NKAIN2: variants seen among roughly 807,000 people sequenced by gnomAD.
The protein encoded by NKAIN2 is sodium/potassium transporting ATPase interacting 2.
NKAIN2 carries 14 observed loss-of-function variants against 32.6 expected under a neutral mutation model. The ratio of observed to expected loss-of-function variants is 0.43; its 90% CI spans 0.28 to 0.67. The LOEUF is 0.67. Among genes scored for constraint, NKAIN2 ranks in the 30% least tolerant of loss-of-function variants. NKAIN2 has a pLI of 0.17. For synonymous variants in NKAIN2, 80 were observed against 87.2 expected (o/e 0.92, Z 0.46); for missense variants, 198 against 258.3 (o/e 0.77, Z 1.60).
intron 1 of NKAIN2, among the ~76,000 whole-genome samples, chr6:123,913,141 G>A (rs1186457256): frequency 6.6e-6 from 1 of 152,148 alleles, no homozygotes; most frequent in Admixed American, 6.6e-5. Flanking sequence ...AACCTCCCAT[G>A]TTCACTGAGG....
chr6:124,655,537 G>GACTA (rs1784510765), intron 3 of NKAIN2, among the ~76,000 whole-genome samples: 1 of 152,192 alleles, frequency 6.6e-6, no homozygotes, highest in East Asian at 1.9e-4. Flanking sequence ...CAGCTATGGT[G>GACTA]ACTAACTGTC....
intron 2 of NKAIN2, among the ~76,000 whole-genome samples, chr6:124,286,685 T>TAC (rs1795566999): frequency 7.5e-6 from 1 of 133,610 alleles, no homozygotes; most frequent in African/African-American, 3.7e-5. Flanking sequence ...CGCGCGCGTG[T>TAC]GTGTGTGTGT....
At chr6:124,647,120 T>G (rs529854722) in intron 3 of NKAIN2, among the ~76,000 whole-genome samples, 2 of 151,488 alleles carry the variant, frequency 1.3e-5, no homozygotes, top group African/African-American at 4.9e-5. Flanking sequence ...TTAGGAAAAC[T>G]GTAAAAAAAA....
intron 1 of NKAIN2, among the ~76,000 whole-genome samples, chr6:123,809,541 T>C (rs1260793770): frequency 6.6e-6 from 1 of 152,192 alleles, no homozygotes; most frequent in Non-Finnish European, 1.5e-5. Context: ...CTTGGTTTTC[T>C]CCTCTTTTAG....
At chr6:124,153,592 C>A (rs982387624) in intron 1 of NKAIN2, among the ~76,000 whole-genome samples, 1 of 151,616 alleles carries the variant, frequency 6.6e-6, no homozygotes, top group Non-Finnish European at 1.5e-5. Context: ...TATTCCATTA[C>A]CCTTTTTCCC....
chr6:124,696,073 C>T (rs898573085), intron 4 of NKAIN2, among the ~76,000 whole-genome samples: 1 of 152,106 alleles, frequency 6.6e-6, no homozygotes, highest in African/African-American at 2.4e-5. Context: ...TCAGATTCTT[C>T]TTGGTCTCTC....
At chr6:123,938,396 TTATATATA>T (rs71021471) in intron 1 of NKAIN2, among the ~76,000 whole-genome samples, 741 of 53,148 alleles carry the variant, frequency 0.014, 2 homozygotes, top group Non-Finnish European at 0.018. Flanking sequence ...TTTGCAAGGG[TTATATATA>T]TATATATATA....
chr6:124,762,258 T>G (rs965480556), intron 4 of NKAIN2, among the ~76,000 whole-genome samples: 1 of 152,192 alleles, frequency 6.6e-6, no homozygotes, highest in African/African-American at 2.4e-5. Context: ...ATGTTTTCTC[T>G]GTGTGAACCC....
intron 4 of NKAIN2, among the ~76,000 whole-genome samples, chr6:124,754,401 G>A (rs1583798737): frequency 1.3e-5 from 2 of 151,734 alleles, no homozygotes; most frequent in East Asian, 3.9e-4. Flanking sequence ...GTAAATGCTG[G>A]GGTTAACATG....
intron 1 of NKAIN2, among the ~76,000 whole-genome samples, chr6:124,084,646 A>C (rs1261163293): frequency 2.0e-5 from 3 of 151,984 alleles, no homozygotes; most frequent in Non-Finnish European, 2.9e-5. Flanking sequence ...TTATCCAGGA[A>C]AGTCCGGGAA....
At chr6:124,761,773 T>C (rs1778275945) in intron 4 of NKAIN2, among the ~76,000 whole-genome samples, 1 of 152,210 alleles carries the variant, frequency 6.6e-6, no homozygotes, top group Non-Finnish European at 1.5e-5. Context: ...ATAAGGTCTA[T>C]TAACAATCTG....
intron 2 of NKAIN2, among the ~76,000 whole-genome samples, chr6:124,329,618 T>C (rs1562493260): frequency 1.3e-5 from 2 of 152,194 alleles, no homozygotes; most frequent in Non-Finnish European, 2.9e-5. Context: ...TTCTACCTAT[T>C]GGAGACATAG....
intron 1 of NKAIN2, among the ~76,000 whole-genome samples, chr6:124,155,348 A>G (rs1787929882): frequency 6.6e-6 from 1 of 152,264 alleles, no homozygotes; most frequent in Non-Finnish European, 1.5e-5. Flanking sequence ...TAAGTGTTCA[A>G]GATGGATATG....
intron 3 of NKAIN2, among the ~76,000 whole-genome samples, chr6:124,598,142 A>G (rs1321136516): frequency 6.6e-6 from 1 of 152,224 alleles, no homozygotes; most frequent in Non-Finnish European, 1.5e-5. Context: ...CTTCTGAGAA[A>G]CTACAGTTGG....
At chr6:123,973,903 A>G (rs1262755308) in intron 1 of NKAIN2, among the ~76,000 whole-genome samples, 1 of 152,164 alleles carries the variant, frequency 6.6e-6, no homozygotes, top group East Asian at 1.9e-4. Flanking sequence ...ATTTGTTCCA[A>G]CGTAAAACAA....
At chr6:124,071,016 T>C (rs1410853375) in intron 1 of NKAIN2, among the ~76,000 whole-genome samples, 2 of 152,176 alleles carry the variant, frequency 1.3e-5, no homozygotes, top group Non-Finnish European at 2.9e-5. Flanking sequence ...ATAGAGGTTA[T>C]AGGCTGGAAG....
intron 1 of NKAIN2, among the ~76,000 whole-genome samples, chr6:124,242,249 T>G (rs1301896076): frequency 6.6e-6 from 1 of 152,134 alleles, no homozygotes; most frequent in Non-Finnish European, 1.5e-5. Context: ...GAACAGACAC[T>G]TCTCAAAAGA....
chr6:123,893,438 C>T (rs566487998), intron 1 of NKAIN2, among the ~76,000 whole-genome samples: 26 of 152,260 alleles, frequency 1.7e-4, no homozygotes, highest in Non-Finnish European at 1.6e-4. Flanking sequence ...AACTTATGGC[C>T]TCAAGCAATC....
chr6:124,079,178 C>T (rs987293021), intron 1 of NKAIN2, among the ~76,000 whole-genome samples: 4 of 151,958 alleles, frequency 2.6e-5, no homozygotes, highest in South Asian at 2.1e-4. Flanking sequence ...AAAAATTAGG[C>T]GTGATGGCAC....
Sources: gnomAD v4.1 joint callset for allele counts (sites outside exome capture counted in the v4.1 genomes callset) on GRCh38, gnomAD v4.1.1 for gene constraint, MANE v1.5 for transcripts, NCBI Gene and HGNC (gene_info 2026-07-23, HGNC 2026-07-21) for gene names.